Variants in PTPN13 observed in about 807,000 individuals in gnomAD.
The protein encoded by PTPN13 is tyrosine-protein phosphatase non-receptor type 13.
Under a neutral mutation model 284.0 loss-of-function variants are expected in PTPN13, and 191 were observed. That is an observed-to-expected ratio of 0.67 (90% CI 0.60 to 0.76). The LOEUF (loss-of-function observed/expected upper bound fraction) is 0.76, where lower values mean the gene tolerates loss of function less well. PTPN13 is among the 30% of genes least tolerant of loss of function. The pLI is 0.00. For synonymous variants in PTPN13, 986 were observed against 1,022.3 expected, an observed-to-expected ratio of 0.96 and a Z score of 0.68; for missense variants, 2,797 against 2,939.9, an observed-to-expected ratio of 0.95 and a Z score of 1.12.
At chr4:86,810,452 A>G (rs1205284321) in intron 46 of PTPN13, among the ~76,000 whole-genome samples, 1 of 138,734 alleles carries the variant, frequency 7.2e-6, no homozygotes, top group Non-Finnish European at 1.6e-5. Flanking sequence ...ATTACTCTAC[A>G]TAAAAAAATT....
Position 86,693,692 on chromosome 4 carries a change from G to A in PTPN13, c.634+18G>A, listed in dbSNP as rs1324128369. Reference sequence around the variant, plus strand: ...ACCAACAGGTAAGAGTATATTAATAGGAAATGTCTAGGCTTTAACCTTATC... The same window carrying A: ...ACCAACAGGTAAGAGTATATTAATAAGAAATGTCTAGGCTTTAACCTTATC... On this transcript the variant is annotated intron_variant, in intron 6 of 47. Coordinates refer to ENST00000411767, the MANE Select transcript of PTPN13 (RefSeq NM_080683.3). 2 of 1,505,212 alleles carry A rather than the reference G, an allele frequency of 1.3e-6. No homozygotes were observed. The highest frequency in any genetic ancestry group is 1.8e-6 in the Non-Finnish European group (2 of 1,110,510). The allele number at this position is 1,505,212 out of a possible 1,614,324, so 93.2% of individuals were successfully genotyped here.
intron 1 of PTPN13, among the ~76,000 whole-genome samples, chr4:86,598,333 C>T (rs922702458): frequency 7.9e-5 from 12 of 151,776 alleles, no homozygotes; most frequent in African/African-American, 2.4e-4. Context: ...TTAGTAGAGA[C>T]GAGGTTTTGC....
intron 9 of PTPN13, among the ~76,000 whole-genome samples, chr4:86,719,647 A>G (rs1426653811): frequency 6.6e-6 from 1 of 151,972 alleles, no homozygotes; most frequent in Non-Finnish European, 1.5e-5. Flanking sequence ...TAATTTTTTT[A>G]CTTTTTAATA....
chr4:86,601,855 G>C (rs527239616), intron 1 of PTPN13, among the ~76,000 whole-genome samples: 1 of 152,246 alleles, frequency 6.6e-6, no homozygotes, highest in East Asian at 1.9e-4. Context: ...TGTATACCTA[G>C]TTCCCTTTTT....
chr4:86,624,952 G>T lies in PTPN13; in HGVS notation c.-5-10300G>T, dbSNP rs532314347. ...AGCCATTCTTTGAGGGTATATATAA[G>T]CACATGGGCAGGTATATGAAGCATT... On this transcript the variant is annotated intron_variant, in intron 1 of 47. Transcript: ENST00000411767. 3.9e-4 allele frequency among the ~76,000 whole-genome samples: 59 copies of T among 152,230 alleles called. No homozygotes were observed. In the South Asian group the frequency reaches 0.011, roughly 29 times the overall value.
chr4:86,787,679 C>G (rs1742108845), intron 40 of PTPN13, among the ~76,000 whole-genome samples: 1 of 151,816 alleles, frequency 6.6e-6, no homozygotes, highest in Admixed American at 6.6e-5. Context: ...TTCTACCTTT[C>G]CACTGTGCAT....
intron 40 of PTPN13, among the ~76,000 whole-genome samples, chr4:86,796,429 G>A (rs527580174): frequency 5.9e-5 from 9 of 152,152 alleles, no homozygotes; most frequent in Admixed American, 5.9e-4. Flanking sequence ...AAGGCTAGGA[G>A]TTTAAGACCA....
In PTPN13 at chr4:86,705,493, TAAATC is replaced by T. The variant is rs569415165; in HGVS notation, c.1195+3695_1195+3699del. ...CTTCACAGATCCCTTTTATGTGTGA[TAAATC>T]AAGCAGAACTGTAAATATCAATGTA... is the stretch of plus-strand genomic sequence containing the variant. On this transcript the variant is annotated intron_variant, in intron 7 of 47. Transcript: ENST00000411767. Among the ~76,000 whole-genome samples, 667 of 152,284 alleles carry T rather than the reference TAAATC, an allele frequency of 4.4e-3. 12 individuals are homozygous for T. Among genetic ancestry groups the T allele is most frequent in the East Asian group, 2.7e-3 (14 of 5,182 alleles).
At chr4:86,670,169 T>C (rs1381678572) in intron 2 of PTPN13, among the ~76,000 whole-genome samples, 1 of 143,164 alleles carries the variant, frequency 7.0e-6, no homozygotes, top group Admixed American at 7.2e-5. Context: ...TCTATCTTAA[T>C]TCTTTTTTTT....
At chr4:86,631,794 G>A (rs1036669485) in intron 1 of PTPN13, among the ~76,000 whole-genome samples, 1 of 152,048 alleles carries the variant, frequency 6.6e-6, no homozygotes, top group African/African-American at 2.4e-5. Flanking sequence ...AAATTCTATT[G>A]TGTGAGAAGT....
At chr4:86,603,995 T>C (rs909120271) in intron 1 of PTPN13, among the ~76,000 whole-genome samples, 1 of 151,914 alleles carries the variant, frequency 6.6e-6, no homozygotes, top group Admixed American at 6.6e-5. Flanking sequence ...AATACTAAAT[T>C]GAGTTATTGT....
intron 20 of PTPN13, among the ~76,000 whole-genome samples, chr4:86,757,762 C>CAAAAAAAAAAA (rs542129918): frequency 9.2e-4 from 103 of 112,488 alleles, no homozygotes; most frequent in African/African-American, 3.1e-3. Context: ...GACTCTGTCT[C>CAAAAAAAAAAA]AAAAAAAAAA....
intron 2 of PTPN13, among the ~76,000 whole-genome samples, chr4:86,656,495 G>T (rs1725826446): frequency 6.6e-6 from 1 of 152,194 alleles, no homozygotes; most frequent in Admixed American, 6.5e-5. Context: ...GTTGGAGTTT[G>T]CTGGAAGTCC....
chr4:86,687,157 A>G (rs1000401234), intron 4 of PTPN13, among the ~76,000 whole-genome samples: 1 of 152,224 alleles, frequency 6.6e-6, no homozygotes, highest in Admixed American at 6.5e-5. Context: ...TGAATGTAAT[A>G]GCTTTTTTGA....
chr4:86,622,062 T>A (rs1287258376), intron 1 of PTPN13, among the ~76,000 whole-genome samples: 1 of 152,212 alleles, frequency 6.6e-6, no homozygotes, highest in Non-Finnish European at 1.5e-5. Context: ...ACTTCTCTGC[T>A]TTGTTTCTCC....
At chr4:86,736,581 C>T (rs1054727146) in intron 15 of PTPN13, among the ~76,000 whole-genome samples, 1 of 151,988 alleles carries the variant, frequency 6.6e-6, no homozygotes, top group Non-Finnish European at 1.5e-5. Flanking sequence ...CTGTTTGAGT[C>T]CAAATTTAAA....
chr4:86,665,884 G>T (rs1376004617), intron 2 of PTPN13, among the ~76,000 whole-genome samples: 1 of 152,128 alleles, frequency 6.6e-6, no homozygotes, highest in Non-Finnish European at 1.5e-5. Context: ...ACTTTTCTTA[G>T]ACATGTAGTC....
chr4:86,686,623 G>C, intron 3 of PTPN13, 87 bp from the exon 4 acceptor site: 2 of 868,498 alleles, frequency 2.3e-6, no homozygotes, highest in South Asian at 3.3e-5. Flanking sequence ...TATTTTCTTT[G>C]GAACAAAATA....
Position 86,609,324 on chromosome 4 carries a change from A to C in PTPN13, c.-6+14535A>C, listed in dbSNP as rs561928224. On this transcript the variant is annotated intron_variant, in intron 1 of 47. Transcript: ENST00000411767. The stretch of plus-strand genomic sequence containing the variant: ...GTTATAGCAGATAAAGTTTATTATT[A>C]AGTATCTTATTTTATAGAATAGGTA... 2.6e-4 allele frequency among the ~76,000 whole-genome samples: 40 copies of C among 152,306 alleles called. No homozygotes were observed. The South Asian group carries it at 5.6e-3, about 21-fold the overall frequency.
Sources: allele counts gnomAD v4.1 joint callset (sites outside exome capture counted in the v4.1 genomes callset), GRCh38; gene constraint gnomAD v4.1.1; transcripts MANE v1.5; gene names NCBI Gene and HGNC (gene_info 2026-07-23, HGNC 2026-07-21).